The following ABCG1 variants were observed in gnomAD, a reference collection of about 807,000 sequenced individuals.
ABCG1 encodes the protein ATP binding cassette subfamily G member 1.
In ABCG1, 29 loss-of-function variants were observed where a neutral mutation model predicts 69.2. The observed-to-expected ratio is 0.42, with a 90% CI of 0.31 to 0.57. The LOEUF (loss-of-function observed/expected upper bound fraction) is 0.57, where lower values mean the gene tolerates loss of function less well. Among genes scored for constraint, ABCG1 ranks in the 20% least tolerant of loss-of-function variants. The pLI is 0.15. For synonymous variants in ABCG1, 370 were observed against 374.8 expected (o/e 0.99, Z 0.15); for missense variants, 718 against 898.1 (o/e 0.80, Z 2.56).
chr21:42,287,863 C>A lies in ABCG1; in HGVS notation c.974-26C>A. The A allele has an allele frequency of 6.5e-7, 1 of 1,534,128 alleles. No homozygotes were observed. The highest frequency in any genetic ancestry group is 2.1e-5 in the Admixed American group (1 of 47,454). Reference sequence around the variant, plus strand: ...TGGGGTGTCCTTCCTGGAGCCCGGGCTGACCCCCGTCTGTGTCTCCTGCAG... The same window carrying A: ...TGGGGTGTCCTTCCTGGAGCCCGGGATGACCCCCGTCTGTGTCTCCTGCAG... On this transcript the variant is annotated intron_variant, in intron 8 of 14. Transcript: ENST00000398449. This position sits in a 1 kb window ranked among gnomAD's most constrained non-coding sequence, Gnocchi z 6.2.
rs768196500 is a variant in ABCG1, at chr21:42,294,685, C to T, written c.1772+25C>T. 2.8e-5 allele frequency: 45 copies of T among 1,596,474 alleles called. No homozygotes were observed. Among genetic ancestry groups the T allele is most frequent in the Non-Finnish European group, 3.7e-5 (43 of 1,164,570 alleles). ...GGTAGCGGGCGTGGGGCACGCATGG[C>T]GTGGGGACCGAGGGTGACGGGGGAA... On this transcript the variant is annotated intron_variant, in intron 14 of 14. Coordinates refer to ENST00000398449, the MANE Select transcript of ABCG1 (RefSeq NM_016818.3).
intron 2 of ABCG1, among the ~76,000 whole-genome samples, chr21:42,261,130 C>T (rs1019254979): frequency 5.9e-5 from 9 of 152,168 alleles, no homozygotes; most frequent in Non-Finnish European, 1.2e-4. Flanking sequence ...CCCTCTCTCC[C>T]GTTTTCTACC....
At chr21:42,216,071 C>T (rs1331243287), upstream of ABCG1, 1 of 436,586 alleles carries the variant, frequency 2.3e-6, no homozygotes, top group East Asian at 7.3e-5. Flanking sequence ...CTCATGAGAT[C>T]TGATGGCTTT....
At chr21:42,234,238 C>T (rs907018053) in intron 2 of ABCG1, among the ~76,000 whole-genome samples, 11 of 152,168 alleles carry the variant, frequency 7.2e-5, no homozygotes, top group African/African-American at 2.7e-4. Context: ...CAGGACTGGA[C>T]TTAACACCTG....
chr21:42,274,969 A>G (rs555758906), intron 4 of ABCG1, among the ~76,000 whole-genome samples: 2 of 152,216 alleles, frequency 1.3e-5, no homozygotes, highest in Admixed American at 1.3e-4. Context: ...GCTGCAAAAG[A>G]AGAGTCCCCA....
chr21:42,218,214 A>G (rs2067664050), upstream of ABCG1, among the ~76,000 whole-genome samples: 2 of 152,180 alleles, frequency 1.3e-5, no homozygotes, highest in Non-Finnish European at 2.9e-5. Flanking sequence ...TGGAAATGAA[A>G]AGAAATGCAT....
intron 2 of ABCG1, among the ~76,000 whole-genome samples, chr21:42,203,620 T>G (rs2067522852): frequency 1.3e-5 from 2 of 152,248 alleles, no homozygotes; most frequent in African/African-American, 2.4e-5. Flanking sequence ...GCGTCTGTCC[T>G]TTTGCCAATA....
chr21:42,243,728 G>A (rs1175981782), intron 2 of ABCG1, among the ~76,000 whole-genome samples: 1 of 151,986 alleles, frequency 6.6e-6, no homozygotes, highest in Non-Finnish European at 1.5e-5. Flanking sequence ...TCCAGACAGC[G>A]GTGGTGGAGA....
chr21:42,225,862 A>G lies in ABCG1; in HGVS notation c.234A>G (p.Glu78=). 6.2e-6 allele frequency: 10 copies of G among 1,613,942 alleles called. No individual in the cohort carries two copies. Among genetic ancestry groups the G allele is most frequent in the Non-Finnish European group, 8.5e-6 (10 of 1,180,004 alleles). ...CTCGGAGGGCAGCTGTGAACATTGA[A>G]TTCAGGGACCTTTCCTATTCGGTTC... The part of the protein sequence containing the change: ...SLPRRAAVNI[E]FRDLSYSVPE... The change falls in exon 2 of 15, where the codon GAA becomes GAG. Residue 78 remains glutamate (E), a synonymous_variant. Coordinates refer to ENST00000398449, the MANE Select transcript of ABCG1 (RefSeq NM_016818.3).
intron 2 of ABCG1, among the ~76,000 whole-genome samples, chr21:42,243,814 C>CTTTTT (rs11402831): frequency 3.8e-4 from 36 of 94,224 alleles, no homozygotes; most frequent in South Asian, 7.6e-4. Context: ...TTATCTTTGG[C>CTTTTT]TTTTTTTTTT....
chr21:42,294,924 C>T (rs1393044873), intron 14 of ABCG1: 5 of 421,474 alleles, frequency 1.2e-5, no homozygotes, highest in African/African-American at 2.0e-5. Context: ...TGGACGTTGC[C>T]GAGAGCTGCC....
intron 2 of ABCG1, among the ~76,000 whole-genome samples, chr21:42,227,934 A>G (rs2067843167): frequency 1.3e-5 from 2 of 152,060 alleles, no homozygotes; most frequent in South Asian, 2.1e-4. Flanking sequence ...GCATGAGGGA[A>G]CCGCCCCCAG....
At position 42,219,267 on chromosome 21, in the gene ABCG1, C is replaced by T; in HGVS notation, c.5C>T (p.Ala2Val). 9 of 1,582,382 alleles carry T rather than the reference C, an allele frequency of 5.7e-6. No homozygotes were observed. Among genetic ancestry groups the T allele is most frequent in the Non-Finnish European group, 7.7e-6 (9 of 1,170,646 alleles). Residue 2 changes from alanine to valine, a missense_variant, in exon 1 of 15, where the codon GCC (alanine) becomes GTC (valine). Coordinates refer to ENST00000398449, the MANE Select transcript of ABCG1 (RefSeq NM_016818.3). The surrounding 1 kb of genome is among the most constrained non-coding windows in gnomAD (Gnocchi z 5.3). M[A>V]CLMAAFSVGT... is the part of the protein sequence containing the mutation. ...CGCCGCCGCCGCCCCCGGGGCATGG[C>T]CTGTCTGATGGCCGCTTTCTCGGTC...
chr21:42,255,008 C>A (rs1569221134), intron 2 of ABCG1, among the ~76,000 whole-genome samples: 1 of 152,200 alleles, frequency 6.6e-6, no homozygotes, highest in Non-Finnish European at 1.5e-5. Context: ...CTTATTGGTG[C>A]TATTGGCATA....
intron 2 of ABCG1, among the ~76,000 whole-genome samples, chr21:42,231,561 G>A (rs1037957192): frequency 6.6e-6 from 1 of 152,266 alleles, no homozygotes; most frequent in Non-Finnish European, 1.5e-5. Flanking sequence ...CACAAGGCCT[G>A]TAATGACAGG....
At chr21:42,245,038 C>G (rs1402773116) in intron 2 of ABCG1, among the ~76,000 whole-genome samples, 3 of 152,342 alleles carry the variant, frequency 2.0e-5, no homozygotes, top group South Asian at 2.1e-4. Flanking sequence ...GCTCTGCCCC[C>G]ACGCGCTCCA....
chr21:42,222,636 C>T (rs938058152), intron 1 of ABCG1, among the ~76,000 whole-genome samples: 2 of 152,144 alleles, frequency 1.3e-5, no homozygotes, highest in African/African-American at 2.4e-5. Context: ...TCTGTGCTTC[C>T]GATACCTCCT....
intron 10 of ABCG1, 104 bp from the exon 11 acceptor site, chr21:42,289,946 C>A: frequency 1.5e-6 from 2 of 1,335,090 alleles, no homozygotes; most frequent in Non-Finnish European, 2.1e-6. Context: ...GACGTGCTGT[C>A]ACAGAGTTCA....
upstream of ABCG1, among the ~76,000 whole-genome samples, chr21:42,215,890 G>A (rs1390509326): frequency 6.6e-6 from 1 of 152,316 alleles, no homozygotes; most frequent in East Asian, 1.9e-4. Flanking sequence ...ACTTAATAAT[G>A]GAGTGGGTTG....
Sources: allele counts gnomAD v4.1 joint callset (sites outside exome capture counted in the v4.1 genomes callset), GRCh38; gene constraint gnomAD v4.1.1; non-coding constraint Gnocchi (gnomAD v3.1); transcripts MANE v1.5; gene names NCBI Gene and HGNC (gene_info 2026-07-23, HGNC 2026-07-21).